The following CHCHD3 variants were observed in gnomAD, a reference collection of about 807,000 sequenced individuals.
CHCHD3 encodes the protein coiled-coil-helix-coiled-coil-helix domain containing 3.
In CHCHD3, 20 loss-of-function variants were observed where a neutral mutation model predicts 38.2. The ratio of observed to expected loss-of-function variants is 0.52; its 90% confidence interval spans 0.37 to 0.76. The LOEUF (loss-of-function observed/expected upper bound fraction) is 0.76, where lower values mean the gene tolerates loss of function less well. Among genes scored for constraint, CHCHD3 ranks in the 30% least tolerant of loss-of-function variants. The pLI, the probability that CHCHD3 is intolerant of heterozygous loss-of-function variation, is 0.00. For missense variants in CHCHD3, 245 were observed against 279.2 expected (o/e 0.88, Z 0.87); for synonymous variants, 82 against 100.0 (o/e 0.82, Z 1.07).
At chr7:132,990,176 A>AAAAT in intron 3 of CHCHD3, among the ~76,000 whole-genome samples, 1 of 152,304 alleles carries the variant, frequency 6.6e-6, no homozygotes, top group South Asian at 2.1e-4. Context: ...TCCATCTCAA[A>AAAAT]AAATAAATAA....
At chr7:132,949,568 CTTCAA>C (rs1245500451) in intron 4 of CHCHD3, among the ~76,000 whole-genome samples, 1 of 152,104 alleles carries the variant, frequency 6.6e-6, no homozygotes, top group African/African-American at 2.4e-5. Flanking sequence ...AAATACTTTT[CTTCAA>C]TTCAATGAAC....
chr7:133,066,187 A>G (rs1038064662), intron 2 of CHCHD3, among the ~76,000 whole-genome samples: 1 of 152,172 alleles, frequency 6.6e-6, no homozygotes, highest in Non-Finnish European at 1.5e-5. Flanking sequence ...TTTAAGAGCC[A>G]CATGTGACTA....
chr7:132,898,402 T>C (rs533560156), intron 4 of CHCHD3, among the ~76,000 whole-genome samples: 1 of 152,318 alleles, frequency 6.6e-6, no homozygotes, highest in African/African-American at 2.4e-5. Context: ...ATTAGCTAGA[T>C]ACAGAGTGTG....
chr7:132,992,759 A>C (rs1812317009), intron 3 of CHCHD3, among the ~76,000 whole-genome samples: 1 of 152,218 alleles, frequency 6.6e-6, no homozygotes, highest in Non-Finnish European at 1.5e-5. Flanking sequence ...ATTTCTGTTA[A>C]ACAGTACTGC....
intron 6 of CHCHD3, among the ~76,000 whole-genome samples, chr7:132,826,246 C>T (rs916016469): frequency 1.3e-5 from 2 of 152,234 alleles, no homozygotes; most frequent in African/African-American, 4.8e-5. Context: ...CACCACACAG[C>T]AGCAGCCCTT....
At chr7:132,903,909 T>C (rs1206917254) in intron 4 of CHCHD3, among the ~76,000 whole-genome samples, 2 of 152,174 alleles carry the variant, frequency 1.3e-5, no homozygotes, top group African/African-American at 2.4e-5. Context: ...ACATGTAAAA[T>C]CATCTTAATG....
At chr7:133,057,373 G>A (rs1196955784) in intron 2 of CHCHD3, among the ~76,000 whole-genome samples, 2 of 152,016 alleles carry the variant, frequency 1.3e-5, no homozygotes, top group Non-Finnish European at 2.9e-5. Context: ...ACCAGCCTGA[G>A]CAACATAGCA....
chr7:132,879,916 C>T (rs919493804), intron 5 of CHCHD3, among the ~76,000 whole-genome samples: 2 of 151,928 alleles, frequency 1.3e-5, no homozygotes, highest in Non-Finnish European at 2.9e-5. Context: ...TAAAATAACT[C>T]TTAGGGGTAT....
chr7:133,065,596 G>GA, intron 2 of CHCHD3, among the ~76,000 whole-genome samples: 1 of 152,060 alleles, frequency 6.6e-6, no homozygotes, highest in East Asian at 1.9e-4. Flanking sequence ...ACTTCACACT[G>GA]AAAAATGTAA....
intron 4 of CHCHD3, among the ~76,000 whole-genome samples, chr7:132,889,905 A>G (rs1809317659): frequency 6.6e-6 from 1 of 152,242 alleles, no homozygotes; most frequent in Non-Finnish European, 1.5e-5. Context: ...ACAGAGAATC[A>G]CTGTAAATGA....
intron 6 of CHCHD3, among the ~76,000 whole-genome samples, chr7:132,803,827 C>T (rs1291226401): frequency 7.1e-6 from 1 of 140,886 alleles, no homozygotes; most frequent in African/African-American, 2.5e-5. Context: ...TTTTTCTCCA[C>T]CTGCACGAAT....
chr7:133,031,505 T>G (rs1181142647), intron 2 of CHCHD3, among the ~76,000 whole-genome samples: 4 of 152,156 alleles, frequency 2.6e-5, no homozygotes, highest in Non-Finnish European at 5.9e-5. Context: ...CTTCATTTTT[T>G]TTTTGCATAA....
At chr7:132,933,022 GT>G (rs1459652388) in intron 4 of CHCHD3, among the ~76,000 whole-genome samples, 1 of 152,196 alleles carries the variant, frequency 6.6e-6, no homozygotes, top group Middle Eastern at 3.2e-3. Context: ...AGAGTATGAA[GT>G]TTTAAACAAG....
chr7:132,798,443 T>C (rs966603663), intron 6 of CHCHD3, among the ~76,000 whole-genome samples: 2 of 152,180 alleles, frequency 1.3e-5, no homozygotes, highest in East Asian at 1.9e-4. Flanking sequence ...TCAAAGAGTA[T>C]AGGCACAGAT....
At chr7:132,856,121 T>C (rs879776368) in intron 5 of CHCHD3, among the ~76,000 whole-genome samples, 6 of 152,222 alleles carry the variant, frequency 3.9e-5, no homozygotes, top group Non-Finnish European at 8.8e-5. Context: ...GATGTCACTT[T>C]CTCACATCTT....
Position 133,082,025 on chromosome 7 carries a change from G to C in CHCHD3, c.-88C>G. ...ACCCACACGCGCGTGGAAGGGCCTG[G>C]ATTCTTTTCCCGCACAGCGGGAGCA... On this transcript the variant is annotated 5_prime_UTR_variant, in exon 1 of 8. The change creates a new upstream start codon in the 5' untranslated region. Coordinates refer to ENST00000262570, the MANE Select transcript of CHCHD3 (RefSeq NM_017812.4). 5 of 1,233,030 alleles carry C rather than the reference G, an allele frequency of 4.1e-6. No homozygotes were observed. Among genetic ancestry groups the C allele is most frequent in the Admixed American group, 2.9e-5 (1 of 34,866 alleles). 76.4% of individuals were successfully genotyped at this position (1,233,030 alleles called of 1,614,324 possible).
chr7:132,829,735 T>G (rs1036631956), intron 6 of CHCHD3, among the ~76,000 whole-genome samples: 12 of 152,204 alleles, frequency 7.9e-5, no homozygotes, highest in Non-Finnish European at 1.8e-4. Flanking sequence ...TTACACCCTA[T>G]GCTGAAGTGA....
At chr7:133,041,425 A>C (rs1006433136) in intron 2 of CHCHD3, among the ~76,000 whole-genome samples, 8 of 152,186 alleles carry the variant, frequency 5.3e-5, no homozygotes, top group Admixed American at 1.3e-4. Context: ...CTGTTTAATG[A>C]TAATCTAACA....
intron 6 of CHCHD3, chr7:132,830,627 T>C (rs1807622868): frequency 6.6e-6 from 1 of 152,204 alleles, no homozygotes; most frequent in Admixed American, 6.5e-5. Context: ...GCCAAATGTG[T>C]ATTTGCCATT....
Sources: gnomAD v4.1 joint callset for allele counts (sites outside exome capture counted in the v4.1 genomes callset) on GRCh38, gnomAD v4.1.1 for gene constraint, MANE v1.5 for transcripts, NCBI Gene and HGNC (gene_info 2026-07-23, HGNC 2026-07-21) for gene names.